BBS7: variants seen among roughly 807,000 people sequenced by gnomAD.
BBS7 encodes Bardet-Biedl syndrome 7.
In BBS7, 50 loss-of-function variants were observed where a neutral mutation model predicts 90.3. That is an observed-to-expected ratio of 0.55 (90% CI 0.44 to 0.70). The LOEUF (loss-of-function observed/expected upper bound fraction) is 0.70, where lower values mean the gene tolerates loss of function less well. Among genes scored for constraint, BBS7 ranks in the 30% least tolerant of loss-of-function variants. BBS7 has a pLI of 0.00. For synonymous variants in BBS7, 235 were observed against 287.4 expected, an observed-to-expected ratio of 0.82 and a Z score of 1.85; for missense variants, 729 against 838.9, an observed-to-expected ratio of 0.87 and a Z score of 1.62.
chr4:121,859,993 G>C (rs1726890725), intron 4 of BBS7, among the ~76,000 whole-genome samples: 1 of 151,738 alleles, frequency 6.6e-6, no homozygotes, highest in Admixed American at 6.6e-5. Flanking sequence ...TCATAAAGAG[G>C]GTAATTTTAT....
intron 12 of BBS7, among the ~76,000 whole-genome samples, chr4:121,842,387 C>T (rs1178727110): frequency 6.6e-6 from 1 of 151,830 alleles, no homozygotes; most frequent in African/African-American, 2.4e-5. Flanking sequence ...ATAATCCCAG[C>T]ACTTTGGGAG....
At chr4:121,867,441 C>T in intron 2 of BBS7, among the ~76,000 whole-genome samples, 1 of 152,088 alleles carries the variant, frequency 6.6e-6, no homozygotes, top group Non-Finnish European at 1.5e-5. Flanking sequence ...CTGGCTAGGA[C>T]TTCTAGTACT....
intron 1 of BBS7, among the ~76,000 whole-genome samples, chr4:121,869,380 T>A (rs555259910): frequency 6.6e-6 from 1 of 152,306 alleles, no homozygotes; most frequent in South Asian, 2.1e-4. Context: ...AAATAGCCAC[T>A]CCCTAATTTT....
At chr4:121,830,934 T>C (rs1725148089) in intron 15 of BBS7, among the ~76,000 whole-genome samples, 1 of 152,194 alleles carries the variant, frequency 6.6e-6, no homozygotes, top group African/African-American at 2.4e-5. Context: ...GAGGCCGGGC[T>C]TGGTGGCTCA....
chr4:121,835,416 A>T (rs990206523), intron 13 of BBS7, 133 bp from the exon 14 acceptor site: 3 of 1,022,672 alleles, frequency 2.9e-6, no homozygotes. Context: ...GGAGTTGGAA[A>T]GCTGTCCAGC....
chr4:121,863,371 A>G, intron 2 of BBS7, 92 bp from the exon 3 acceptor site: 1 of 1,136,124 alleles, frequency 8.8e-7, no homozygotes, highest in Non-Finnish European at 1.3e-6. Flanking sequence ...TAATTTATAA[A>G]TACTGACTTA....
In BBS7 at chr4:121,870,344, G is replaced by A. The variant is rs1230008123; in HGVS notation, c.-31C>T. The A allele has an allele frequency of 6.2e-7, 1 of 1,613,768 alleles. No homozygotes were observed. Among genetic ancestry groups the A allele is most frequent in the Admixed American group, 1.7e-5 (1 of 60,000 alleles). On this transcript the variant is annotated 5_prime_UTR_variant, in exon 1 of 19. Coordinates refer to ENST00000264499, the MANE Select transcript of BBS7 (RefSeq NM_176824.3). ...CTACGCGGAGGGGCTAAGCAGCGCC[G>A]GACAAGAACAGGAGGGACAGAGGCT...
chr4:121,858,763 T>G, intron 5 of BBS7: 2 of 477,192 alleles, frequency 4.2e-6, no homozygotes, highest in South Asian at 5.0e-5. Flanking sequence ...TTGTGTATGG[T>G]GAGGCAAAAA....
intron 12 of BBS7, among the ~76,000 whole-genome samples, chr4:121,842,224 G>C (rs1725772802): frequency 7.2e-6 from 1 of 139,290 alleles, no homozygotes; most frequent in Admixed American, 7.6e-5. Flanking sequence ...CTGCACTCCA[G>C]CCTGGGTGAG....
intron 10 of BBS7, among the ~76,000 whole-genome samples, chr4:121,845,995 G>A (rs1343861147): frequency 6.6e-6 from 1 of 152,102 alleles, no homozygotes; most frequent in African/African-American, 2.4e-5. Flanking sequence ...TCTTGTTACA[G>A]TTACATAAAG....
chr4:121,866,807 A>C (rs1276856733), intron 2 of BBS7, among the ~76,000 whole-genome samples: 1 of 152,028 alleles, frequency 6.6e-6, no homozygotes, highest in Admixed American at 6.5e-5. Flanking sequence ...TTTTTATGCC[A>C]GTATTATGCT....
chr4:121,834,585 G>T (rs886310414), intron 14 of BBS7, among the ~76,000 whole-genome samples: 2 of 152,092 alleles, frequency 1.3e-5, no homozygotes, highest in African/African-American at 4.8e-5. Context: ...CTTGCTGTAA[G>T]AATTAAATAC....
chr4:121,828,778 C>A (rs1725033542), intron 15 of BBS7, 50 bp from the exon 16 acceptor site: 3 of 1,078,512 alleles, frequency 2.8e-6, no homozygotes, highest in African/African-American at 1.6e-5. Flanking sequence ...AGGAAATTGT[C>A]CAGTACATAT....
chr4:121,836,459 T>C (rs1370731269), intron 13 of BBS7, among the ~76,000 whole-genome samples: 1 of 152,182 alleles, frequency 6.6e-6, no homozygotes, highest in Non-Finnish European at 1.5e-5. Context: ...TATATTCAAA[T>C]TATACATAGA....
intron 8 of BBS7, among the ~76,000 whole-genome samples, chr4:121,849,409 C>T (rs1221098313): frequency 6.6e-6 from 1 of 152,124 alleles, no homozygotes. Flanking sequence ...GCCATGTTTT[C>T]CAGGCTGGTC....
chr4:121,861,465 A>C lies in BBS7; in HGVS notation c.341+39T>G, dbSNP rs777707465. On this transcript the variant is annotated intron_variant, in intron 4 of 18. Transcript: ENST00000264499. ...CTCACATCTATCCAAAATATTATAAATAAGTATGTAAAAATACAAAAGAGA... is the reference window on the plus strand; with the variant it reads ...CTCACATCTATCCAAAATATTATAACTAAGTATGTAAAAATACAAAAGAGA... 7 of 1,581,294 alleles carry C rather than the reference A, an allele frequency of 4.4e-6. No homozygotes were observed. The South Asian group carries it at 8.0e-5, about 18-fold the overall frequency.
intron 15 of BBS7, among the ~76,000 whole-genome samples, chr4:121,829,670 C>T (rs998592641): frequency 2.0e-5 from 3 of 152,216 alleles, no homozygotes; most frequent in African/African-American, 7.2e-5. Context: ...TTGAGCAGTA[C>T]ATTCCATACC....
intron 13 of BBS7, among the ~76,000 whole-genome samples, chr4:121,838,769 C>T (rs918389208): frequency 6.6e-6 from 1 of 151,386 alleles, no homozygotes; most frequent in African/African-American, 2.4e-5. Context: ...GTGGTGGGCA[C>T]CTGTAATCCC....
intron 5 of BBS7, among the ~76,000 whole-genome samples, chr4:121,856,297 T>G (rs192592523): frequency 7.0e-4 from 107 of 152,344 alleles, no homozygotes; most frequent in Admixed American, 2.0e-3. Flanking sequence ...ATTTATCAGT[T>G]TTTCAATTTT....
Sources: allele counts gnomAD v4.1 joint callset (sites outside exome capture counted in the v4.1 genomes callset), GRCh38; gene constraint gnomAD v4.1.1; transcripts MANE v1.5; gene names NCBI Gene and HGNC (gene_info 2026-07-23, HGNC 2026-07-21).